Variants in ARHGAP6 observed in about 807,000 individuals in gnomAD.
ARHGAP6 encodes rho GTPase-activating protein 6.
Under a neutral mutation model 55.7 loss-of-function variants are expected in ARHGAP6, and 16 were observed. That is an observed-to-expected ratio of 0.29 (90% confidence interval 0.19 to 0.44). ARHGAP6 has a LOEUF of 0.44. Among genes scored for constraint, ARHGAP6 ranks in the 20% least tolerant of loss-of-function variants. The pLI is 1.00. For synonymous variants in ARHGAP6, 382 were observed against 360.9 expected, an observed-to-expected ratio of 1.06 and a Z score of -0.66; for missense variants, 698 against 808.9, an observed-to-expected ratio of 0.86 and a Z score of 1.66.
intron 1 of ARHGAP6, among the ~76,000 whole-genome samples, chrX:11,505,317 G>A (rs1603235016): frequency 9.0e-6 from 1 of 111,061 alleles, no homozygotes; most frequent in South Asian, 3.8e-4. Flanking sequence ...TCACTGATAA[G>A]TAGAGAAACG....
intron 2 of ARHGAP6, among the ~76,000 whole-genome samples, chrX:11,243,546 T>A (rs1326639840): frequency 8.9e-6 from 1 of 112,408 alleles, no homozygotes; most frequent in Non-Finnish European, 1.9e-5. Flanking sequence ...GTCTATAGAC[T>A]GCATGGTGGC....
At chrX:11,392,548 T>C (rs769188964) in intron 1 of ARHGAP6, among the ~76,000 whole-genome samples, 1 of 111,884 alleles carries the variant, frequency 8.9e-6, no homozygotes, top group East Asian at 2.8e-4. Flanking sequence ...ATAATGACCT[T>C]ATTAAAAAAT....
At chrX:11,387,162 A>G (rs920699155) in intron 1 of ARHGAP6, among the ~76,000 whole-genome samples, 2 of 112,336 alleles carry the variant, frequency 1.8e-5, no homozygotes, top group Non-Finnish European at 3.8e-5. Flanking sequence ...AAAGTGATCA[A>G]TGAAGGAGAA....
In ARHGAP6 at chrX:11,507,724, G is replaced by A. The variant is rs143904893; in HGVS notation, c.588+156517C>T. On this transcript the variant is annotated intron_variant, in intron 1 of 12. Transcript: ENST00000337414. ...GGCAATTGTGCCCCCAGGCAGACAT[G>A]TGTATTTAAATATGAGAATAATGAT... Among the ~76,000 whole-genome samples, 403 of 111,660 alleles carry A rather than the reference G, an allele frequency of 3.6e-3. 2 individuals carry two copies. The highest frequency in any genetic ancestry group is 0.013 in the African/African-American group (388 of 30,753).
chrX:11,262,086 T>C (rs764915928), intron 1 of ARHGAP6, among the ~76,000 whole-genome samples: 1 of 112,438 alleles, frequency 8.9e-6, no homozygotes, highest in African/African-American at 3.2e-5. Context: ...TTCGTTTATA[T>C]ATCATGCATT....
At chrX:11,265,940 T>C (rs1280687390) in intron 1 of ARHGAP6, 7 of 951,576 alleles carry the variant, frequency 7.4e-6, no homozygotes, top group Admixed American at 7.0e-5. Context: ...CATCGGATCA[T>C]TGAGAAGTTC....
chrX:11,609,813 T>A (rs964882423), intron 1 of ARHGAP6, among the ~76,000 whole-genome samples: 1 of 111,651 alleles, frequency 9.0e-6, no homozygotes, highest in African/African-American at 3.3e-5. Context: ...ATGGGAGCAA[T>A]GGTGGCAAAG....
chrX:11,303,391 G>C (rs1184804956), intron 1 of ARHGAP6, among the ~76,000 whole-genome samples: 2 of 112,114 alleles, frequency 1.8e-5, no homozygotes, highest in Admixed American at 9.5e-5. Flanking sequence ...AATAATTATT[G>C]AGGAATAAGA....
At chrX:11,441,948 C>T (rs1429266336) in intron 1 of ARHGAP6, among the ~76,000 whole-genome samples, 1 of 108,706 alleles carries the variant, frequency 9.2e-6, no homozygotes, top group Non-Finnish European at 1.9e-5. Context: ...TATATATACA[C>T]ACATATACGT....
At chrX:11,156,823 A>G (rs764544284) in intron 9 of ARHGAP6, among the ~76,000 whole-genome samples, 197 bp from the exon 10 acceptor site, 89 of 112,553 alleles carry the variant, frequency 7.9e-4, no homozygotes, top group Non-Finnish European at 1.6e-3. Context: ...GATTACCAAT[A>G]GTCATATTCA....
chrX:11,497,740 G>A (rs934846055), intron 1 of ARHGAP6, among the ~76,000 whole-genome samples: 8 of 110,566 alleles, frequency 7.2e-5, no homozygotes, highest in Non-Finnish European at 1.3e-4. Flanking sequence ...CACCCAGTCC[G>A]TGGTATTTTG....
At chrX:11,413,506 C>G (rs1425134197) in intron 1 of ARHGAP6, among the ~76,000 whole-genome samples, 9 of 112,318 alleles carry the variant, frequency 8.0e-5, no homozygotes, top group Non-Finnish European at 1.5e-4. Context: ...TCACCCCCAG[C>G]TCTTGTGGCT....
At chrX:11,351,443 G>A (rs1254553147) in intron 1 of ARHGAP6, 1 of 966,790 alleles carries the variant, frequency 1.0e-6, no homozygotes, top group Non-Finnish European at 1.3e-6. Context: ...AACAGGGCAG[G>A]CTCTCCCCAG....
chrX:11,197,635 G>A (rs1262171117), intron 2 of ARHGAP6, among the ~76,000 whole-genome samples: 3 of 112,151 alleles, frequency 2.7e-5, no homozygotes, highest in African/African-American at 9.7e-5. Context: ...TAGCTATACT[G>A]CAATTTAGTT....
At chrX:11,506,827 A>G (rs2050738965) in intron 1 of ARHGAP6, among the ~76,000 whole-genome samples, 1 of 111,723 alleles carries the variant, frequency 9.0e-6, no homozygotes, top group Admixed American at 9.5e-5. Flanking sequence ...TGTCTTCCAC[A>G]ATGGTTGAAC....
intron 1 of ARHGAP6, among the ~76,000 whole-genome samples, chrX:11,498,629 C>T (rs1331049799): frequency 9.0e-6 from 1 of 111,603 alleles, no homozygotes; most frequent in Non-Finnish European, 1.9e-5. Flanking sequence ...TCATTTCAGC[C>T]TCCTGAACTT....
At chrX:11,259,515 G>A (rs900707286) in intron 1 of ARHGAP6, among the ~76,000 whole-genome samples, 7 of 111,921 alleles carry the variant, frequency 6.3e-5, no homozygotes, top group African/African-American at 2.0e-4. Context: ...GTGCTATGTA[G>A]TAAGTCTAGA....
At chrX:11,568,626 G>A (rs1260710619) in intron 1 of ARHGAP6, among the ~76,000 whole-genome samples, 1 of 110,127 alleles carries the variant, frequency 9.1e-6, no homozygotes, top group Non-Finnish European at 1.9e-5. Context: ...CTATGATGGC[G>A]GGCACCTGTA....
intron 1 of ARHGAP6, among the ~76,000 whole-genome samples, chrX:11,258,047 G>C (rs1015856678): frequency 1.8e-5 from 2 of 111,443 alleles, no homozygotes; most frequent in African/African-American, 6.5e-5. Context: ...CTGTAGGGCT[G>C]TCTCTGTTGG....
Sources: gnomAD v4.1 joint callset for allele counts (sites outside exome capture counted in the v4.1 genomes callset) on GRCh38, gnomAD v4.1.1 for gene constraint, MANE v1.5 for transcripts, NCBI Gene and HGNC (gene_info 2026-07-23, HGNC 2026-07-21) for gene names.